Variants in FRMD4B observed in about 807,000 individuals in gnomAD.
The protein encoded by FRMD4B is FERM domain containing 4B.
A neutral mutation model predicts 141.5 loss-of-function variants in FRMD4B; 74 were observed. That is an observed-to-expected ratio of 0.52 (90% CI 0.43 to 0.63). The LOEUF (loss-of-function observed/expected upper bound fraction) is 0.63. Among genes scored for constraint, FRMD4B ranks in the 30% least tolerant of loss-of-function variants. The pLI is 0.00. For missense variants in FRMD4B, 1,366 were observed against 1,253.4 expected (o/e 1.09, Z -1.36); for synonymous variants, 506 against 467.9 (o/e 1.08, Z -1.05).
intron 1 of FRMD4B, among the ~76,000 whole-genome samples, chr3:69,333,155 A>G (rs1214617270): frequency 1.3e-5 from 2 of 152,094 alleles, no homozygotes; most frequent in Non-Finnish European, 2.9e-5. Flanking sequence ...CCAGTCCCTG[A>G]AGCCTTTTAT....
intron 1 of FRMD4B, among the ~76,000 whole-genome samples, chr3:69,468,405 A>C (rs1705828968): frequency 6.6e-6 from 1 of 152,048 alleles, no homozygotes; most frequent in Non-Finnish European, 1.5e-5. Context: ...CCACTCAGTG[A>C]TGTTTATTTC....
chr3:69,521,860 G>A (rs1203237458), intron 1 of FRMD4B, among the ~76,000 whole-genome samples: 1 of 152,092 alleles, frequency 6.6e-6, no homozygotes, highest in Non-Finnish European at 1.5e-5. Context: ...TTCCACAACA[G>A]CTAATCCAAA....
intron 22 of FRMD4B, among the ~76,000 whole-genome samples, chr3:69,174,868 GA>G (rs2092626220): frequency 6.6e-6 from 1 of 152,162 alleles, no homozygotes; most frequent in Admixed American, 6.5e-5. Context: ...GAAGTAAACT[GA>G]AAAGGCTAGG....
At chr3:69,234,459 G>A (rs1254081122) in intron 7 of FRMD4B, among the ~76,000 whole-genome samples, 5 of 152,154 alleles carry the variant, frequency 3.3e-5, no homozygotes, top group African/African-American at 1.2e-4. Context: ...GTGATTAGCA[G>A]TTTAAGAGCT....
chr3:69,499,139 T>C (rs888387416), intron 1 of FRMD4B, among the ~76,000 whole-genome samples: 1 of 152,148 alleles, frequency 6.6e-6, no homozygotes, highest in African/African-American at 2.4e-5. Context: ...AGGAATCAAC[T>C]TGGCAGACTT....
intron 1 of FRMD4B, among the ~76,000 whole-genome samples, chr3:69,327,943 T>G (rs960308956): frequency 6.6e-6 from 1 of 152,248 alleles, no homozygotes. Flanking sequence ...ATTCAGACTC[T>G]TTTTGAAGCC....
At chr3:69,438,066 CATAAT>C (rs1705289013) in intron 1 of FRMD4B, among the ~76,000 whole-genome samples, 1 of 145,282 alleles carries the variant, frequency 6.9e-6, no homozygotes, top group Non-Finnish European at 1.5e-5. Flanking sequence ...TATATAATTA[CATAAT>C]ATATTATTAT....
intron 7 of FRMD4B, among the ~76,000 whole-genome samples, chr3:69,245,834 G>GTGTTT (rs2093421856): frequency 1.3e-5 from 1 of 78,358 alleles, no homozygotes; most frequent in African/African-American, 5.6e-5. Flanking sequence ...AGGCTAATTT[G>GTGTTT]TTTTTTTTTT....
intron 1 of FRMD4B, among the ~76,000 whole-genome samples, chr3:69,479,638 C>A (rs1457559818): frequency 2.0e-5 from 3 of 152,134 alleles, no homozygotes; most frequent in Non-Finnish European, 4.4e-5. Context: ...CTGCCCTTAA[C>A]ATTTTTTCCT....
At chr3:69,200,264 G>C (rs1272035908) in intron 11 of FRMD4B, 5 of 231,562 alleles carry the variant, frequency 2.2e-5, no homozygotes, top group African/African-American at 1.2e-4. Flanking sequence ...AAATAAACCA[G>C]CACACCCTAA....
At chr3:69,516,981 C>G (rs1431239062) in intron 1 of FRMD4B, among the ~76,000 whole-genome samples, 1 of 152,140 alleles carries the variant, frequency 6.6e-6, no homozygotes, top group African/African-American at 2.4e-5. Context: ...TACCTCTCCT[C>G]CCTCTGGAGG....
intron 1 of FRMD4B, among the ~76,000 whole-genome samples, chr3:69,528,140 G>A (rs777357047): frequency 6.6e-5 from 10 of 152,058 alleles, no homozygotes; most frequent in Non-Finnish European, 1.3e-4. Context: ...ATATCTCTCT[G>A]CCCAAGAAAA....
intron 1 of FRMD4B, chr3:69,535,629 G>T (rs1701072722): frequency 1.0e-5 from 2 of 199,616 alleles, no homozygotes; most frequent in African/African-American, 4.7e-5. Context: ...TCAGGGCAGT[G>T]GCTCGGTCTC....
At chr3:69,492,135 T>A (rs535370486) in intron 1 of FRMD4B, among the ~76,000 whole-genome samples, 2 of 152,164 alleles carry the variant, frequency 1.3e-5, no homozygotes, top group African/African-American at 4.8e-5. Flanking sequence ...GTTTTCTATA[T>A]CTTGCATGCT....
In FRMD4B at chr3:69,242,522, T is replaced by C. The variant is rs1338511914; in HGVS notation, c.581+6704A>G. On this transcript the variant is annotated intron_variant, in intron 7 of 22. Coordinates refer to ENST00000398540, the MANE Select transcript of FRMD4B (RefSeq NM_015123.3). ...TTTTTTTTTTTTTTTTTTTTTTTTTTTGTAGCACAGCTGTAACTTGTGAAT... is the reference window on the plus strand; with the variant it reads ...TTTTTTTTTTTTTTTTTTTTTTTTTCTGTAGCACAGCTGTAACTTGTGAAT... Among the ~76,000 whole-genome samples, 3 of 102,286 alleles carry C rather than the reference T, an allele frequency of 2.9e-5. No individual in the cohort carries two copies. In the East Asian group the frequency reaches 1.0e-3, roughly 34 times the overall value. 67.1% of individuals were successfully genotyped at this position (102,286 alleles called of 152,430 possible). A position where few individuals can be genotyped will look rare whatever the true frequency, so the allele number is the denominator to read the frequency against.
At chr3:69,260,515 G>A (rs1468952174) in intron 5 of FRMD4B, among the ~76,000 whole-genome samples, 1 of 152,212 alleles carries the variant, frequency 6.6e-6, no homozygotes, top group Admixed American at 6.5e-5. Flanking sequence ...TCCCCATGGG[G>A]CAGGGCTTGG....
chr3:69,367,205 TG>T (rs1156448204), intron 1 of FRMD4B, among the ~76,000 whole-genome samples: 1 of 152,220 alleles, frequency 6.6e-6, no homozygotes, highest in Non-Finnish European at 1.5e-5. Flanking sequence ...CTGGATCAAA[TG>T]TTTTGAATAG....
intron 5 of FRMD4B, 142 bp from the exon 6 acceptor site, chr3:69,250,241 G>C (rs973825468): frequency 2.7e-6 from 2 of 728,910 alleles, no homozygotes; most frequent in Admixed American, 3.7e-5. Flanking sequence ...GGGGAAAGTG[G>C]GGGGTGTGGA....
At chr3:69,363,413 G>C (rs558463572) in intron 1 of FRMD4B, among the ~76,000 whole-genome samples, 4 of 145,818 alleles carry the variant, frequency 2.7e-5, no homozygotes, top group African/African-American at 1.0e-4. Context: ...TTTTTGAGAC[G>C]GAGTCTTGCT....
Sources: gnomAD v4.1 joint callset for allele counts (sites outside exome capture counted in the v4.1 genomes callset) on GRCh38, gnomAD v4.1.1 for gene constraint, MANE v1.5 for transcripts, NCBI Gene and HGNC (gene_info 2026-07-23, HGNC 2026-07-21) for gene names.